ATP8B4: variants seen among roughly 807,000 people sequenced by gnomAD.
The protein encoded by ATP8B4 is probable phospholipid-transporting ATPase IM.
Under a neutral mutation model 145.6 loss-of-function variants are expected in ATP8B4, and 133 were observed. The ratio of observed to expected loss-of-function variants is 0.91; its 90% CI spans 0.79 to 1.05. ATP8B4 has a LOEUF of 1.05. Among genes scored for constraint, ATP8B4 ranks in the 50% least tolerant of loss-of-function variants. ATP8B4 has a pLI of 0.00. For synonymous variants in ATP8B4, 507 were observed against 492.9 expected (o/e 1.03, Z -0.38); for missense variants, 1,458 against 1,425.2 (o/e 1.02, Z -0.37).
chr15:49,910,500 T>C (rs2039114489), intron 20 of ATP8B4, among the ~76,000 whole-genome samples: 1 of 152,020 alleles, frequency 6.6e-6, no homozygotes, highest in African/African-American at 2.4e-5. Flanking sequence ...GGCCCAGCAA[T>C]CCCCAAACAG....
chr15:50,173,797 C>G (rs183428204), intron 1 of ATP8B4, among the ~76,000 whole-genome samples: 3 of 152,054 alleles, frequency 2.0e-5, no homozygotes, highest in Non-Finnish European at 4.4e-5. Context: ...TTCTATGAAG[C>G]CAGCATCACC....
At chr15:49,966,486 G>A (rs2044554945) in intron 13 of ATP8B4, among the ~76,000 whole-genome samples, 3 of 152,194 alleles carry the variant, frequency 2.0e-5, no homozygotes, top group African/African-American at 4.8e-5. Flanking sequence ...TCCCCTCACG[G>A]TGTAAACAAA....
At chr15:49,901,391 T>C in intron 20 of ATP8B4, 152 bp from the exon 21 acceptor site, 1 of 815,248 alleles carries the variant, frequency 1.2e-6, no homozygotes, top group Non-Finnish European at 1.9e-6. Flanking sequence ...AGCTGGATAA[T>C]TCTTTGTGAT....
intron 12 of ATP8B4, among the ~76,000 whole-genome samples, chr15:49,976,173 G>A (rs10519249): frequency 0.53 from 80,209 of 151,790 alleles, 23,762 homozygotes; most frequent in African/African-American, 0.79. Context: ...GTATGATATG[G>A]TATTAAGATA....
intron 20 of ATP8B4, among the ~76,000 whole-genome samples, chr15:49,913,295 G>A (rs1024559026): frequency 2.6e-5 from 4 of 151,980 alleles, no homozygotes; most frequent in African/African-American, 4.8e-5. Context: ...TATCTCAATC[G>A]ATGCAGAAAA....
intron 6 of ATP8B4, among the ~76,000 whole-genome samples, chr15:50,025,664 A>T (rs748237558): frequency 6.6e-6 from 1 of 151,910 alleles, no homozygotes; most frequent in Non-Finnish European, 1.5e-5. Flanking sequence ...TTAGAACCAC[A>T]CTCTTTTCCT....
At chr15:50,144,446 A>G (rs1462619968) in intron 1 of ATP8B4, among the ~76,000 whole-genome samples, 1 of 152,234 alleles carries the variant, frequency 6.6e-6, no homozygotes, top group Admixed American at 6.5e-5. Context: ...ACTTACAATC[A>G]TGGCAGAAGG....
At chr15:50,126,250 A>G (rs1263243914) in intron 1 of ATP8B4, among the ~76,000 whole-genome samples, 3 of 152,028 alleles carry the variant, frequency 2.0e-5, no homozygotes, top group Admixed American at 6.6e-5. Context: ...CAAAAAAAAA[A>G]AAAAAACACT....
intron 3 of ATP8B4, among the ~76,000 whole-genome samples, chr15:50,073,289 T>G (rs1444115312): frequency 6.6e-6 from 1 of 151,796 alleles, no homozygotes; most frequent in Non-Finnish European, 1.5e-5. Flanking sequence ...CCTGAGTCCA[T>G]GTATTCTCAT....
intron 14 of ATP8B4, among the ~76,000 whole-genome samples, chr15:49,941,902 G>A (rs569824305): frequency 1.0e-3 from 157 of 152,274 alleles, no homozygotes; most frequent in African/African-American, 3.6e-3. Flanking sequence ...ACTTGGATGA[G>A]GTTGGAGCCC....
intron 14 of ATP8B4, among the ~76,000 whole-genome samples, chr15:49,952,619 G>T (rs1247250548): frequency 2.0e-5 from 3 of 151,932 alleles, no homozygotes; most frequent in Non-Finnish European, 2.9e-5. Flanking sequence ...AGATTCTTAG[G>T]TTCTTTGCAT....
rs550524937 is a variant in ATP8B4, at chr15:49,919,925, G to A, written c.1923+321C>T. Among the ~76,000 whole-genome samples the A allele has an allele frequency of 4.5e-4, 68 of 152,180 alleles. 2 individuals are homozygous for A. The South Asian group carries it at 0.013, about 28-fold the overall frequency. ...GCAAATTTCTCTGCTCTAAAAAGGT[G>A]GGTAATAAAACAAGGAGAAAAGTAA... On this transcript the variant is annotated intron_variant, in intron 18 of 27. Transcript: ENST00000284509.
intron 3 of ATP8B4, among the ~76,000 whole-genome samples, chr15:50,060,166 C>A (rs1392307363): frequency 6.6e-6 from 1 of 152,112 alleles, no homozygotes; most frequent in Non-Finnish European, 1.5e-5. Flanking sequence ...AGAAAAGCTG[C>A]CACTAGGAAG....
chr15:49,982,046 C>A (rs2153535728), intron 10 of ATP8B4, among the ~76,000 whole-genome samples: 1 of 152,132 alleles, frequency 6.6e-6, no homozygotes, highest in East Asian at 1.9e-4. Context: ...TAAATAGAAG[C>A]AATTAAGTTT....
At chr15:49,900,943 C>G (rs2037954282) in intron 21 of ATP8B4, 149 bp downstream of exon 21, 13 of 1,029,458 alleles carry the variant, frequency 1.3e-5, no homozygotes, top group Non-Finnish European at 1.6e-5. Context: ...GTTTCCTTTC[C>G]CTTTGCAAAC....
At chr15:50,150,031 G>T (rs960256747) in intron 1 of ATP8B4, among the ~76,000 whole-genome samples, 3 of 151,938 alleles carry the variant, frequency 2.0e-5, no homozygotes, top group Admixed American at 6.6e-5. Flanking sequence ...AACCCGGGAG[G>T]TGGAGGTTGC....
chr15:50,070,803 C>G (rs1022789799), intron 3 of ATP8B4, among the ~76,000 whole-genome samples: 1 of 152,108 alleles, frequency 6.6e-6, no homozygotes, highest in South Asian at 2.1e-4. Flanking sequence ...TGCAGTGGCA[C>G]AATCTTGGCT....
chr15:50,085,553 C>T (rs577586311), intron 2 of ATP8B4, among the ~76,000 whole-genome samples: 6 of 152,124 alleles, frequency 3.9e-5, no homozygotes, highest in Admixed American at 6.6e-5. Flanking sequence ...GCAACATGAT[C>T]ACATCCTACG....
intron 20 of ATP8B4, 143 bp from the exon 21 acceptor site, chr15:49,901,382 G>C: frequency 1.2e-6 from 1 of 865,466 alleles, no homozygotes; most frequent in Non-Finnish European, 1.7e-6. Context: ...CAGTAAGCAA[G>C]CTGGATAATT....
Sources: allele counts gnomAD v4.1 joint callset (sites outside exome capture counted in the v4.1 genomes callset), GRCh38; gene constraint gnomAD v4.1.1; transcripts MANE v1.5; gene names NCBI Gene and HGNC (gene_info 2026-07-23, HGNC 2026-07-21).